LINGO2: variants seen among roughly 807,000 people sequenced by gnomAD.
The protein encoded by LINGO2 is leucine-rich repeat and immunoglobulin-like domain-containing nogo receptor-interacting protein 2.
A neutral mutation model predicts 30.6 loss-of-function variants in LINGO2; 14 were observed. The ratio of observed to expected loss-of-function variants is 0.46; its 90% CI spans 0.30 to 0.72. The LOEUF (loss-of-function observed/expected upper bound fraction) is 0.72. LINGO2 is among the 30% of genes least tolerant of loss of function. The pLI, the probability that LINGO2 is intolerant of heterozygous loss-of-function variation, is 0.07. For synonymous variants in LINGO2, 317 were observed against 288.5 expected, an observed-to-expected ratio of 1.10 and a Z score of -1.00; for missense variants, 729 against 751.7, an observed-to-expected ratio of 0.97 and a Z score of 0.35.
intron 1 of LINGO2, among the ~76,000 whole-genome samples, chr9:28,511,872 T>C (rs986844509): frequency 6.6e-6 from 1 of 152,176 alleles, no homozygotes; most frequent in Non-Finnish European, 1.5e-5. Context: ...CCTTCAGCGA[T>C]GTCCAAGAAA....
chr9:29,179,155 G>C, the LINGO2 span, among the ~76,000 whole-genome samples: 1 of 70,640 alleles, frequency 1.4e-5, no homozygotes, highest in African/African-American at 6.1e-5. Context: ...CCTTCTTACT[G>C]TAAATATATA....
chr9:29,076,562 T>G, the LINGO2 span, among the ~76,000 whole-genome samples: 5 of 148,762 alleles, frequency 3.4e-5, no homozygotes, highest in Non-Finnish European at 1.5e-5. Context: ...GCTGAATAGA[T>G]GGAAATGAAA....
chr9:28,016,417 A>C (rs1345329891), intron 4 of LINGO2, among the ~76,000 whole-genome samples: 1 of 152,118 alleles, frequency 6.6e-6, no homozygotes, highest in East Asian at 1.9e-4. Context: ...TCTGAAATGA[A>C]TTTAATATTA....
At chr9:29,086,258 T>C in the LINGO2 span, among the ~76,000 whole-genome samples, 1 of 152,174 alleles carries the variant, frequency 6.6e-6, no homozygotes, top group South Asian at 2.1e-4. Flanking sequence ...AGAATAATAA[T>C]TTAATGAGTA....
chr9:28,943,058 G>C, the LINGO2 span, among the ~76,000 whole-genome samples: 1 of 152,174 alleles, frequency 6.6e-6, no homozygotes, highest in South Asian at 2.1e-4. Context: ...AACCAGCTAT[G>C]AGATATATTA....
chr9:29,088,631 T>C, the LINGO2 span, among the ~76,000 whole-genome samples: 1 of 152,174 alleles, frequency 6.6e-6, no homozygotes, highest in Admixed American at 6.6e-5. Context: ...GTGAAAATAA[T>C]ACCTACACAG....
intron 1 of LINGO2, among the ~76,000 whole-genome samples, chr9:28,654,587 A>G (rs1828253561): frequency 6.6e-6 from 1 of 152,062 alleles, no homozygotes; most frequent in Non-Finnish European, 1.5e-5. Context: ...AAGAAAGTAA[A>G]TGATTTTTAA....
At chr9:28,569,618 G>A (rs1368230266) in intron 1 of LINGO2, among the ~76,000 whole-genome samples, 1 of 128,930 alleles carries the variant, frequency 7.8e-6, no homozygotes, top group Non-Finnish European at 1.6e-5. Flanking sequence ...TGGTTACCAG[G>A]GGCTGGGGGG....
At chr9:28,572,133 G>A (rs1391864437) in intron 1 of LINGO2, among the ~76,000 whole-genome samples, 1 of 151,954 alleles carries the variant, frequency 6.6e-6, no homozygotes, top group African/African-American at 2.4e-5. Flanking sequence ...ATTTCTCCAG[G>A]AAATTCTTTT....
the LINGO2 span, among the ~76,000 whole-genome samples, chr9:28,817,290 T>G: frequency 6.6e-6 from 1 of 152,112 alleles, no homozygotes; most frequent in Non-Finnish European, 1.5e-5. Flanking sequence ...CAAAGAATGA[T>G]TTGGTTGCAA....
intron 4 of LINGO2, among the ~76,000 whole-genome samples, chr9:28,166,555 T>C (rs558202956): frequency 6.6e-6 from 1 of 152,188 alleles, no homozygotes; most frequent in Non-Finnish European, 1.5e-5. Flanking sequence ...GATTTTAACT[T>C]ACTGAGATGG....
chr9:28,555,891 A>C (rs1308584502), intron 1 of LINGO2, among the ~76,000 whole-genome samples: 1 of 152,130 alleles, frequency 6.6e-6, no homozygotes, highest in Non-Finnish European at 1.5e-5. Flanking sequence ...AACCAAAGAC[A>C]AAAACCACGA....
chr9:28,918,574 T>C, the LINGO2 span, among the ~76,000 whole-genome samples: 4 of 152,324 alleles, frequency 2.6e-5, no homozygotes, highest in South Asian at 2.1e-4. Context: ...GACTTAGGGA[T>C]TGTAGAACAC....
chr9:29,024,101 T>C, the LINGO2 span, among the ~76,000 whole-genome samples: 1 of 152,214 alleles, frequency 6.6e-6, no homozygotes, highest in African/African-American at 2.4e-5. Flanking sequence ...CTTCCTAATT[T>C]CAGCATCAAT....
chr9:28,481,482 G>A (rs13295555), intron 1 of LINGO2, among the ~76,000 whole-genome samples: 2 of 151,950 alleles, frequency 1.3e-5, no homozygotes, highest in Non-Finnish European at 2.9e-5. Context: ...TTTATATTCA[G>A]AGGAACATTC....
the LINGO2 span, among the ~76,000 whole-genome samples, chr9:29,202,070 A>T: frequency 6.6e-6 from 1 of 152,060 alleles, no homozygotes; most frequent in Non-Finnish European, 1.5e-5. Flanking sequence ...TCATTTCAAA[A>T]ATATTTAGTA....
At chr9:28,807,685 T>C in the LINGO2 span, among the ~76,000 whole-genome samples, 30 of 152,296 alleles carry the variant, frequency 2.0e-4, no homozygotes, top group Admixed American at 1.6e-3. Context: ...TTTTAGATAA[T>C]TGAAACACAA....
chr9:28,035,737 A>T (rs1180303146), intron 4 of LINGO2, among the ~76,000 whole-genome samples: 1 of 152,200 alleles, frequency 6.6e-6, no homozygotes, highest in Admixed American at 6.5e-5. Context: ...AGCTGACATC[A>T]TTGTAGGGGT....
the LINGO2 span, among the ~76,000 whole-genome samples, chr9:28,818,633 G>A: frequency 6.6e-6 from 1 of 152,134 alleles, no homozygotes; most frequent in South Asian, 2.1e-4. Context: ...TGATCCACCT[G>A]CCTCAGCCTC....
Sources: allele counts gnomAD v4.1 joint callset (sites outside exome capture counted in the v4.1 genomes callset), GRCh38; gene constraint gnomAD v4.1.1; transcripts MANE v1.5; gene names NCBI Gene and HGNC (gene_info 2026-07-23, HGNC 2026-07-21).